The following ARHGAP24 variants were observed in gnomAD, a reference collection of about 807,000 sequenced individuals.
ARHGAP24 encodes the protein rho GTPase-activating protein 24.
In ARHGAP24, 50 loss-of-function variants were observed where a neutral mutation model predicts 76.4. That is an observed-to-expected ratio of 0.65 (90% CI 0.52 to 0.83). ARHGAP24 has a LOEUF of 0.83. ARHGAP24 is among the 40% of genes least tolerant of loss of function. ARHGAP24 has a pLI of 0.00. For missense variants in ARHGAP24, 930 were observed against 914.2 expected (o/e 1.02, Z -0.22); for synonymous variants, 345 against 323.3 (o/e 1.07, Z -0.72).
chr4:85,976,302 A>T (rs913050613), intron 7 of ARHGAP24, among the ~76,000 whole-genome samples: 1 of 152,132 alleles, frequency 6.6e-6, no homozygotes, highest in Non-Finnish European at 1.5e-5. Context: ...CCTTTTTTAA[A>T]AGTCATGATA....
At chr4:85,588,259 T>C (rs1279834742) in intron 2 of ARHGAP24, among the ~76,000 whole-genome samples, 1 of 152,242 alleles carries the variant, frequency 6.6e-6, no homozygotes, top group Non-Finnish European at 1.5e-5. Flanking sequence ...CTGCTGTTGC[T>C]TTTTAATTGT....
At chr4:85,794,520 A>G (rs2085650393) in intron 3 of ARHGAP24, among the ~76,000 whole-genome samples, 1 of 151,912 alleles carries the variant, frequency 6.6e-6, no homozygotes, top group Non-Finnish European at 1.5e-5. Flanking sequence ...TCTCACCTTG[A>G]CCCCCAGGCT....
Position 85,612,792 on chromosome 4 carries a change from C to CTTTTTTTTTTTTTTTTTTTTTTT in ARHGAP24, c.180+42093_180+42094insTTTTTTTTTTTTTTTTTTTTTTT, listed in dbSNP as rs70948739. 2.4e-5 allele frequency among the ~76,000 whole-genome samples: 2 copies of CTTTTTTTTTTTTTTTTTTTTTTT among 82,780 alleles called. 1 individual carries two copies. The highest frequency in any genetic ancestry group is 9.5e-5 in the African/African-American group (2 of 21,110). 54.3% of individuals were successfully genotyped at this position (82,780 alleles called of 152,430 possible). A position where few individuals can be genotyped will look rare whatever the true frequency, so the allele number is the denominator to read the frequency against. On this transcript the variant is annotated intron_variant, in intron 2 of 9. Transcript: ENST00000395184. ...AGCTAAAGCCCTATCCTTTCCATTC[C>CTTTTTTTTTTTTTTTTTTTTTTT]TTTTTTTTTTTTTTTTTTTTTTGTG...
chr4:85,729,143 A>C (rs1340765555), intron 3 of ARHGAP24, among the ~76,000 whole-genome samples: 2 of 151,766 alleles, frequency 1.3e-5, no homozygotes, highest in Non-Finnish European at 2.9e-5. Context: ...TGTCTGCCTA[A>C]GTCTGTAGGC....
At chr4:85,697,112 T>C (rs898901196) in intron 2 of ARHGAP24, among the ~76,000 whole-genome samples, 1 of 152,158 alleles carries the variant, frequency 6.6e-6, no homozygotes, top group Non-Finnish European at 1.5e-5. Flanking sequence ...TCTCATGGTT[T>C]TGTGTTGTTT....
intron 9 of ARHGAP24, among the ~76,000 whole-genome samples, chr4:85,998,900 C>A (rs1348011490): frequency 3.9e-5 from 6 of 152,224 alleles, no homozygotes; most frequent in Admixed American, 6.5e-5. Flanking sequence ...TCTGTGGCCT[C>A]TATCCAAGAC....
At chr4:85,757,584 T>C (rs1209708684) in intron 3 of ARHGAP24, among the ~76,000 whole-genome samples, 1 of 152,216 alleles carries the variant, frequency 6.6e-6, no homozygotes, top group Non-Finnish European at 1.5e-5. Context: ...CCATGGTGTA[T>C]ATGTGCCACA....
chr4:85,767,457 A>C (rs558034468), intron 3 of ARHGAP24, among the ~76,000 whole-genome samples: 1 of 152,122 alleles, frequency 6.6e-6, no homozygotes, highest in South Asian at 2.1e-4. Context: ...CCTTTATTAC[A>C]TACCCTAAAA....
chr4:85,615,112 T>C (rs1720504866), intron 2 of ARHGAP24, among the ~76,000 whole-genome samples: 1 of 152,062 alleles, frequency 6.6e-6, no homozygotes, highest in African/African-American at 2.4e-5. Flanking sequence ...GGGTGTGTTT[T>C]TCCTTTATAT....
At chr4:85,625,302 A>T (rs921169994) in intron 2 of ARHGAP24, among the ~76,000 whole-genome samples, 21 of 152,110 alleles carry the variant, frequency 1.4e-4, no homozygotes, top group Middle Eastern at 3.4e-3. Flanking sequence ...AAAGAACATC[A>T]TTATTTCTGC....
intron 3 of ARHGAP24, among the ~76,000 whole-genome samples, chr4:85,744,753 T>C (rs1725963203): frequency 6.6e-6 from 1 of 152,264 alleles, no homozygotes; most frequent in South Asian, 2.1e-4. Context: ...TCTTTCATAT[T>C]GGTTTGGGAT....
intron 1 of ARHGAP24, among the ~76,000 whole-genome samples, chr4:85,524,386 A>G (rs1724902587): frequency 6.6e-6 from 1 of 152,150 alleles, no homozygotes; most frequent in Non-Finnish European, 1.5e-5. Flanking sequence ...ATTATGTAAA[A>G]TTTCTACCAT....
At chr4:85,781,779 A>G (rs1251204524) in intron 3 of ARHGAP24, among the ~76,000 whole-genome samples, 2 of 152,160 alleles carry the variant, frequency 1.3e-5, no homozygotes, top group Admixed American at 6.5e-5. Context: ...CACACCTGTA[A>G]TCCCAGCACT....
At chr4:85,907,853 C>T (rs1026635447) in intron 3 of ARHGAP24, among the ~76,000 whole-genome samples, 6 of 152,058 alleles carry the variant, frequency 3.9e-5, no homozygotes, top group African/African-American at 7.2e-5. Flanking sequence ...TCCTGTATTG[C>T]GGATCCTCTA....
chr4:85,995,249 A>G lies in ARHGAP24; in HGVS notation c.1595A>G (p.Tyr532Cys). ...GGCCAGCACAACAGACTGTCCACCTATGATAATGTCCATCAACAGTTCTCC... is the reference window on the plus strand; with the variant it reads ...GGCCAGCACAACAGACTGTCCACCTGTGATAATGTCCATCAACAGTTCTCC... Reference protein sequence around the residue: ...ELGQHNRLSTYDNVHQQFSMM... With the variant: ...ELGQHNRLSTCDNVHQQFSMM... Residue 532 changes from tyrosine to cysteine, a missense_variant, in exon 9 of 10, where the codon TAT becomes TGT. Coordinates refer to ENST00000395184, the MANE Select transcript of ARHGAP24 (RefSeq NM_001025616.3). 1 of 1,614,050 alleles carries G rather than the reference A, an allele frequency of 6.2e-7. No homozygotes were observed. Among genetic ancestry groups the G allele is most frequent in the Non-Finnish European group, 8.5e-7 (1 of 1,180,032 alleles).
intron 8 of ARHGAP24, chr4:85,990,149 T>C (rs1367179562): frequency 6.6e-6 from 1 of 151,790 alleles, no homozygotes; most frequent in East Asian, 1.9e-4. Flanking sequence ...TTCTACATAC[T>C]ACATTGGACA....
chr4:85,934,729 C>T (rs369604066), intron 4 of ARHGAP24, among the ~76,000 whole-genome samples: 1 of 151,908 alleles, frequency 6.6e-6, no homozygotes, highest in Non-Finnish European at 1.5e-5. Flanking sequence ...TGGCCAGGCT[C>T]GTCTCAAACT....
chr4:85,709,466 C>G (rs1724441039), intron 2 of ARHGAP24, among the ~76,000 whole-genome samples: 1 of 151,926 alleles, frequency 6.6e-6, no homozygotes, highest in Admixed American at 6.6e-5. Context: ...TAGAGGGGAA[C>G]CCCTTGAAAT....
At chr4:85,750,571 C>A (rs988955714) in intron 3 of ARHGAP24, among the ~76,000 whole-genome samples, 3 of 132,610 alleles carry the variant, frequency 2.3e-5, no homozygotes, top group African/African-American at 8.3e-5. Context: ...TCTCAGCTCA[C>A]TGCAACCTCT....
Sources: allele counts gnomAD v4.1 joint callset (sites outside exome capture counted in the v4.1 genomes callset), GRCh38; gene constraint gnomAD v4.1.1; transcripts MANE v1.5; gene names NCBI Gene and HGNC (gene_info 2026-07-23, HGNC 2026-07-21).